The following SH3RF3 variants were observed in gnomAD, a reference collection of about 807,000 sequenced individuals.
SH3RF3 encodes the protein SH3 domain containing ring finger 3, also known as E3 ubiquitin-protein ligase SH3RF3.
A neutral mutation model predicts 66.3 loss-of-function variants in SH3RF3; 29 were observed. That is an observed-to-expected ratio of 0.44 (90% confidence interval 0.33 to 0.60). SH3RF3 has a LOEUF of 0.60. Among genes scored for constraint, SH3RF3 ranks in the 20% least tolerant of loss-of-function variants. The pLI is 0.04. For synonymous variants in SH3RF3, 583 were observed against 532.0 expected (o/e 1.10, Z -1.32); for missense variants, 1,194 against 1,190.9 (o/e 1.00, Z -0.04).
At chr2:109,286,018 G>A (rs1681022330) in intron 1 of SH3RF3, among the ~76,000 whole-genome samples, 1 of 152,188 alleles carries the variant, frequency 6.6e-6, no homozygotes, top group Non-Finnish European at 1.5e-5. Context: ...AGAGGCTGGT[G>A]GAAGCCTGAT....
At chr2:109,181,070 C>A (rs1678061983) in intron 1 of SH3RF3, among the ~76,000 whole-genome samples, 1 of 152,214 alleles carries the variant, frequency 6.6e-6, no homozygotes, top group African/African-American at 2.4e-5. Context: ...ACAGTACTCA[C>A]AGACCCTCCG....
chr2:109,225,448 C>T (rs1489679643), intron 1 of SH3RF3, among the ~76,000 whole-genome samples: 1 of 152,210 alleles, frequency 6.6e-6, no homozygotes, highest in African/African-American at 2.4e-5. Context: ...AAACAACTCC[C>T]TTTAAAGATA....
intron 1 of SH3RF3, among the ~76,000 whole-genome samples, chr2:109,176,629 C>T (rs200712428): frequency 6.6e-6 from 1 of 152,212 alleles, no homozygotes; most frequent in East Asian, 1.9e-4. Context: ...CCCAGCAACC[C>T]AGAAGGCTGA....
At position 109,312,646 on chromosome 2, in the gene SH3RF3, G is replaced by C. The variant is rs1460076417; in HGVS notation, c.574-35028G>C. On this transcript the variant is annotated intron_variant, in intron 1 of 9. Coordinates refer to ENST00000309415, the MANE Select transcript of SH3RF3 (RefSeq NM_001099289.3). ...ATCCGATACATGGCCCTTTGGTCTA[G>C]CTTCTTTTACTTCGTATTTTCGAAG... is the stretch of plus-strand genomic sequence containing the variant. Among the ~76,000 whole-genome samples the C allele has an allele frequency of 2.0e-5, 3 of 152,200 alleles. No individual in the cohort carries two copies. In the East Asian group the frequency reaches 5.8e-4, roughly 29 times the overall value.
intron 1 of SH3RF3, among the ~76,000 whole-genome samples, chr2:109,198,640 C>G (rs1273111754): frequency 6.6e-6 from 1 of 152,222 alleles, no homozygotes; most frequent in South Asian, 2.1e-4. Flanking sequence ...GGTTTGTAGA[C>G]AGCCAGTGTC....
chr2:109,215,094 C>T (rs966252083), intron 1 of SH3RF3, among the ~76,000 whole-genome samples: 11 of 152,194 alleles, frequency 7.2e-5, no homozygotes, highest in South Asian at 2.1e-4. Flanking sequence ...TTCAGTGGGA[C>T]GACTAACCTC....
rs115219516 is a variant in SH3RF3 at position 109,394,713 on chromosome 2, T to C, written c.946-3877T>C. On this transcript the variant is annotated intron_variant, in intron 3 of 9. Coordinates refer to ENST00000309415, the MANE Select transcript of SH3RF3 (RefSeq NM_001099289.3). ...ACCTGATAAACAAGGTGACGCCACATGCAGATAGAGCCACTGGAGTCCTTT... is the reference window on the plus strand; with the variant it reads ...ACCTGATAAACAAGGTGACGCCACACGCAGATAGAGCCACTGGAGTCCTTT... 1.7e-3 allele frequency among the ~76,000 whole-genome samples: 265 copies of C among 152,340 alleles called. 1 individual carries two copies. The highest frequency in any genetic ancestry group is 2.6e-3 in the Non-Finnish European group (180 of 68,034).
At chr2:109,338,127 A>T (rs893913077) in intron 1 of SH3RF3, among the ~76,000 whole-genome samples, 5 of 152,168 alleles carry the variant, frequency 3.3e-5, no homozygotes, top group Admixed American at 6.5e-5. Flanking sequence ...TAGCTTCCCG[A>T]GTCGGAAGTT....
At chr2:109,336,428 A>T (rs773336454) in intron 1 of SH3RF3, among the ~76,000 whole-genome samples, 2 of 152,230 alleles carry the variant, frequency 1.3e-5, no homozygotes, top group Non-Finnish European at 2.9e-5. Context: ...TTGGAAGGGA[A>T]GCTGCCACCA....
intron 1 of SH3RF3, among the ~76,000 whole-genome samples, chr2:109,200,516 C>T (rs544240968): frequency 5.3e-5 from 8 of 152,166 alleles, no homozygotes; most frequent in East Asian, 3.9e-4. Context: ...TCCAAGCCTC[C>T]GACTCTGCCC....
At chr2:109,387,955 G>C (rs4134384) in intron 3 of SH3RF3, among the ~76,000 whole-genome samples, 67,045 of 151,490 alleles carry the variant, frequency 0.44, 15,520 homozygotes, top group South Asian at 0.54. Flanking sequence ...CAACCATGCT[G>C]AGGCTCCCCA....
chr2:109,446,542 C>T (rs186342800), intron 7 of SH3RF3, among the ~76,000 whole-genome samples: 192 of 152,254 alleles, frequency 1.3e-3, no homozygotes, highest in Admixed American at 2.2e-3. Flanking sequence ...CAGGCAGCAC[C>T]GTGAAGGTGG....
intron 1 of SH3RF3, among the ~76,000 whole-genome samples, chr2:109,163,979 TC>T (rs912344019): frequency 6.6e-6 from 1 of 152,150 alleles, no homozygotes; most frequent in Non-Finnish European, 1.5e-5. Flanking sequence ...GTCCTTCCCT[TC>T]CCCCTACATC....
At chr2:109,399,653 A>T (rs149300432) in intron 4 of SH3RF3, among the ~76,000 whole-genome samples, 103 of 152,356 alleles carry the variant, frequency 6.8e-4, no homozygotes, top group African/African-American at 1.9e-3. Context: ...GATTAAAAAA[A>T]TTTTTAAATA....
At chr2:109,155,791 G>A (rs1574478215) in intron 1 of SH3RF3, among the ~76,000 whole-genome samples, 1 of 152,250 alleles carries the variant, frequency 6.6e-6, no homozygotes, top group Non-Finnish European at 1.5e-5. Context: ...GCTGGTGTGT[G>A]TGAATAACGT....
chr2:109,456,199 C>G (rs1475916100), intron 8 of SH3RF3, among the ~76,000 whole-genome samples: 1 of 152,218 alleles, frequency 6.6e-6, no homozygotes, highest in Admixed American at 6.5e-5. Context: ...TGCCTGGCAG[C>G]TCTGCTGGTT....
chr2:109,357,999 C>A (rs1273337019), intron 2 of SH3RF3, among the ~76,000 whole-genome samples: 1 of 152,154 alleles, frequency 6.6e-6, no homozygotes, highest in Non-Finnish European at 1.5e-5. Flanking sequence ...CCATTATAGG[C>A]CCATACAAAG....
At chr2:109,494,393 C>T (rs1573297046) in intron 9 of SH3RF3, among the ~76,000 whole-genome samples, 1 of 152,116 alleles carries the variant, frequency 6.6e-6, no homozygotes, top group South Asian at 2.1e-4. Flanking sequence ...CAGAAGTGCC[C>T]CCTCCCCTCA....
chr2:109,195,330 G>A (rs924523142), intron 1 of SH3RF3, among the ~76,000 whole-genome samples: 4 of 152,164 alleles, frequency 2.6e-5, no homozygotes, highest in Non-Finnish European at 4.4e-5. Context: ...GGAAGGAGGG[G>A]TGACAGCCAG....
Sources: allele counts gnomAD v4.1 joint callset (sites outside exome capture counted in the v4.1 genomes callset), GRCh38; gene constraint gnomAD v4.1.1; transcripts MANE v1.5; gene names NCBI Gene and HGNC (gene_info 2026-07-23, HGNC 2026-07-21).